Variants in CCDC146 observed in about 807,000 individuals in gnomAD.
CCDC146 encodes coiled-coil domain containing 146.
In CCDC146, 92 loss-of-function variants were observed where a neutral mutation model predicts 119.3. The observed-to-expected ratio is 0.77, with a 90% CI of 0.65 to 0.92. The LOEUF is 0.92. Ranked by LOEUF, CCDC146 falls within the 40% of genes least tolerant of loss-of-function variation. The pLI is 0.00. For synonymous variants in CCDC146, 372 were observed against 371.8 expected, an observed-to-expected ratio of 1.00 and a Z score of -0.01; for missense variants, 1,000 against 1,103.0, an observed-to-expected ratio of 0.91 and a Z score of 1.32.
chr7:77,241,936 C>T, intron 4 of CCDC146, 36 bp downstream of exon 4: 1 of 1,507,790 alleles, frequency 6.6e-7, no homozygotes, highest in South Asian at 1.1e-5. Flanking sequence ...ACTGAAAAGT[C>T]TTTTCCTCAT....
rs548648682 is a variant in CCDC146 at position 77,260,519 on chromosome 7, A to G, written c.986+283A>G. Among the ~76,000 whole-genome samples the G allele has an allele frequency of 2.0e-5, 3 of 152,288 alleles. No homozygotes were observed. In the South Asian group the frequency reaches 6.2e-4, roughly 32 times the overall value. On this transcript the variant is annotated intron_variant, in intron 8 of 18. Transcript: ENST00000285871. ...GGAAAATTTATCACTGGAGTATGTT[A>G]TGTTCAGGGATTTTGCCAACAAATG...
intron 14 of CCDC146, among the ~76,000 whole-genome samples, chr7:77,281,552 T>G (rs896078642): frequency 1.3e-5 from 2 of 152,234 alleles, no homozygotes; most frequent in Non-Finnish European, 2.9e-5. Flanking sequence ...TGTGCTATTC[T>G]GTATAAGGCA....
intron 15 of CCDC146, among the ~76,000 whole-genome samples, chr7:77,286,198 G>C (rs1189017940): frequency 1.3e-5 from 2 of 152,198 alleles, no homozygotes; most frequent in African/African-American, 4.8e-5. Context: ...GAAAGCAAAG[G>C]GGGCGCAGGC....
At chr7:77,272,991 C>G (rs1439500929) in intron 9 of CCDC146, among the ~76,000 whole-genome samples, 1 of 152,128 alleles carries the variant, frequency 6.6e-6, no homozygotes, top group East Asian at 1.9e-4. Flanking sequence ...TTTTCTTTAT[C>G]CTATACAATT....
chr7:77,178,396 A>G (rs1791532335), intron 2 of CCDC146, among the ~76,000 whole-genome samples: 1 of 152,202 alleles, frequency 6.6e-6, no homozygotes, highest in South Asian at 2.1e-4. Flanking sequence ...TCCTTTGTTC[A>G]TTCTGAAAAC....
chr7:77,266,613 A>G (rs1164530406), intron 9 of CCDC146, among the ~76,000 whole-genome samples: 1 of 152,232 alleles, frequency 6.6e-6, no homozygotes, highest in East Asian at 1.9e-4. Context: ...GACACTGTGA[A>G]TATGGCTATT....
chr7:77,231,655 TCTTA>T (rs1399701716), intron 2 of CCDC146, among the ~76,000 whole-genome samples: 1 of 152,120 alleles, frequency 6.6e-6, no homozygotes, highest in Non-Finnish European at 1.5e-5. Context: ...AAAAATTTCT[TCTTA>T]CTGACAATCT....
chr7:77,196,343 C>G lies in CCDC146; in HGVS notation c.156+28519C>G. On this transcript the variant is annotated intron_variant, in intron 2 of 18. Coordinates refer to ENST00000285871, the MANE Select transcript of CCDC146 (RefSeq NM_020879.3). The surrounding 1 kb of genome is among the most constrained non-coding windows in gnomAD (Gnocchi z 4.2). ...CTCTTTGAAGGAGGACTTGTAGCCA[C>G]CAGGGTGTGCCTCACTTACACCAGG... 6.2e-7 allele frequency: 1 copy of G among 1,614,088 alleles called. No homozygotes were observed. Among genetic ancestry groups the G allele is most frequent in the Non-Finnish European group, 8.5e-7 (1 of 1,179,990 alleles).
intron 4 of CCDC146, among the ~76,000 whole-genome samples, chr7:77,250,637 T>C (rs143920446): frequency 1.7e-4 from 26 of 152,320 alleles, no homozygotes; most frequent in African/African-American, 2.4e-4. Flanking sequence ...ACATATGATA[T>C]GTCTAAGTGT....
At chr7:77,197,150 G>C (rs1243757674) in intron 2 of CCDC146, among the ~76,000 whole-genome samples, 1 of 152,164 alleles carries the variant, frequency 6.6e-6, no homozygotes, top group Non-Finnish European at 1.5e-5. Context: ...GGCCTCACAA[G>C]AAGAACCTAA....
At chr7:77,138,302 A>C (rs1256570276) in intron 1 of CCDC146, among the ~76,000 whole-genome samples, 1 of 150,908 alleles carries the variant, frequency 6.6e-6, no homozygotes, top group African/African-American at 2.4e-5. Flanking sequence ...AAAAAAAAAA[A>C]AAGAGGTATT....
chr7:77,256,977 A>T (rs1297762306), intron 6 of CCDC146, among the ~76,000 whole-genome samples: 1 of 152,078 alleles, frequency 6.6e-6, no homozygotes, highest in Non-Finnish European at 1.5e-5. Context: ...GTGATGGTGG[A>T]TGCCTCTAAT....
chr7:77,209,698 G>A (rs938863827), intron 2 of CCDC146, among the ~76,000 whole-genome samples: 4 of 152,174 alleles, frequency 2.6e-5, no homozygotes, highest in African/African-American at 4.8e-5. Context: ...CTGGACATCC[G>A]GGCATTTCCG....
At chr7:77,217,835 T>C (rs1562836404) in intron 2 of CCDC146, among the ~76,000 whole-genome samples, 1 of 152,034 alleles carries the variant, frequency 6.6e-6, no homozygotes, top group Non-Finnish European at 1.5e-5. Context: ...TATTTAAGTA[T>C]CTAAATGTAT....
At chr7:77,199,748 T>G (rs749850723) in intron 2 of CCDC146, 2 of 1,614,014 alleles carry the variant, frequency 1.2e-6, no homozygotes, top group Non-Finnish European at 1.7e-6. Context: ...AAACCGTAAG[T>G]GGCAAGAACA....
chr7:77,262,073 A>C, intron 8 of CCDC146, 48 bp from the exon 9 acceptor site: 19 of 1,431,034 alleles, frequency 1.3e-5, no homozygotes, highest in Non-Finnish European at 1.7e-5. Flanking sequence ...AACATTTAGG[A>C]CAGCTGATAA....
At chr7:77,127,728 C>G (rs1424488887) in intron 1 of CCDC146, among the ~76,000 whole-genome samples, 5 of 152,062 alleles carry the variant, frequency 3.3e-5, no homozygotes, top group Non-Finnish European at 7.3e-5. Context: ...ATTTATAAAC[C>G]TTCAGCGTTT....
rs112665383 is a variant in CCDC146 at position 77,254,489 on chromosome 7, A to ATT, written c.450-6_450-5dup. On this transcript the variant is annotated splice_polypyrimidine_tract_variant and intron_variant, in intron 4 of 18. Transcript: ENST00000285871. The stretch of plus-strand genomic sequence containing the variant: ...ATTTCTTTGTACTTTTTCAAACTTG[A>ATT]TTTTTTTTTTTTGCAGCTTAAAGGA... The ATT allele has an allele frequency of 3.2e-4, 347 of 1,079,184 alleles. No individual in the cohort carries two copies. Among genetic ancestry groups the ATT allele is most frequent in the African/African-American group, 1.7e-3 (108 of 62,280 alleles). The allele number at this position is 1,079,184 out of a possible 1,614,324, so 66.9% of individuals were successfully genotyped here. A position where few individuals can be genotyped will look rare whatever the true frequency, so the allele number is the denominator to read the frequency against.
chr7:77,246,956 A>G (rs1792961365), intron 4 of CCDC146, among the ~76,000 whole-genome samples: 1 of 152,234 alleles, frequency 6.6e-6, no homozygotes, highest in South Asian at 2.1e-4. Flanking sequence ...ATTATGGTAT[A>G]TCTACCCAGT....
Sources: allele counts gnomAD v4.1 joint callset (sites outside exome capture counted in the v4.1 genomes callset), GRCh38; gene constraint gnomAD v4.1.1; non-coding constraint Gnocchi (gnomAD v3.1); transcripts MANE v1.5; gene names NCBI Gene and HGNC (gene_info 2026-07-23, HGNC 2026-07-21).